Variants in APBA1 observed in about 807,000 individuals in gnomAD.
APBA1 encodes the protein amyloid-beta A4 precursor protein-binding family A member 1.
Under a neutral mutation model 86.6 loss-of-function variants are expected in APBA1, and 55 were observed. That is an observed-to-expected ratio of 0.64 (90% CI 0.51 to 0.80). The LOEUF is 0.80. APBA1 is among the 30% of genes least tolerant of loss of function. The probability of loss-of-function intolerance (pLI) is 0.00; values close to 1 mark genes in which losing one functional copy is unlikely to be tolerated. For missense variants in APBA1, 1,090 were observed against 1,183.0 expected (o/e 0.92, Z 1.15); for synonymous variants, 511 against 493.9 (o/e 1.03, Z -0.46).
chr9:69,456,517 T>A (rs575581393), intron 7 of APBA1, 85 bp from the exon 8 acceptor site: 3 of 1,405,160 alleles, frequency 2.1e-6, no homozygotes, highest in African/African-American at 2.9e-5. Flanking sequence ...GCCAGTCAAG[T>A]ATGGTTCGCA....
At chr9:69,440,438 G>A (rs756396740) in intron 11 of APBA1, among the ~76,000 whole-genome samples, 4 of 151,450 alleles carry the variant, frequency 2.6e-5, no homozygotes, top group African/African-American at 9.8e-5. Context: ...CACCCCGTTC[G>A]AGCTTCCCCG....
At chr9:69,552,162 T>G (rs986907429) in intron 1 of APBA1, among the ~76,000 whole-genome samples, 11 of 152,146 alleles carry the variant, frequency 7.2e-5, no homozygotes, top group Non-Finnish European at 1.3e-4. Flanking sequence ...TTTACAAAAT[T>G]TTCAGCCATC....
At chr9:69,536,490 A>G (rs1344228648) in intron 1 of APBA1, among the ~76,000 whole-genome samples, 1 of 151,894 alleles carries the variant, frequency 6.6e-6, no homozygotes. Flanking sequence ...GAACTTGTAC[A>G]CATTTTCTAT....
At position 69,517,222 on chromosome 9, in the gene APBA1, G is replaced by A. The variant is rs1250035387; in HGVS notation, c.-12C>T. 4.8e-6 allele frequency: 7 copies of A among 1,464,158 alleles called. No individual in the cohort carries two copies. Among genetic ancestry groups the A allele is most frequent in the Middle Eastern group, 1.8e-4 (1 of 5,550 alleles). The allele number at this position is 1,464,158 out of a possible 1,614,324, so 90.7% of individuals were successfully genotyped here. On this transcript the variant is annotated 5_prime_UTR_variant, in exon 2 of 13. Transcript: ENST00000265381. ...TCCAAGTGGTTCATGGTGGGAGTCG[G>A]AACGGCTAGGAGAGAAGCTGGGCCC... is the stretch of plus-strand genomic sequence containing the variant.
chr9:69,546,516 G>C (rs1201818223), intron 1 of APBA1, among the ~76,000 whole-genome samples: 1 of 152,138 alleles, frequency 6.6e-6, no homozygotes, highest in East Asian at 1.9e-4. Flanking sequence ...TCCATTCCTA[G>C]GGTCTGGCCA....
At chr9:69,514,539 A>G (rs1478559438) in intron 2 of APBA1, among the ~76,000 whole-genome samples, 1 of 151,458 alleles carries the variant, frequency 6.6e-6, no homozygotes, top group Non-Finnish European at 1.5e-5. Flanking sequence ...CAGTGAGCCG[A>G]GATCACACCA....
intron 2 of APBA1, among the ~76,000 whole-genome samples, chr9:69,505,505 T>C (rs141798287): frequency 1.3e-5 from 2 of 152,250 alleles, no homozygotes; most frequent in Non-Finnish European, 2.9e-5. Context: ...TGTTGCTGTT[T>C]CCTCTGTCAG....
At position 69,458,174 on chromosome 9, in the gene APBA1, T is replaced by C. The variant is rs1178982918; in HGVS notation, c.1497A>G (p.Leu499=). The C allele has an allele frequency of 6.2e-7, 1 of 1,612,450 alleles. No individual in the cohort carries two copies. The highest frequency in any genetic ancestry group is 8.5e-7 in the Non-Finnish European group (1 of 1,179,626). Residue 499 remains leucine (L), a synonymous_variant, in exon 6 of 13, where the codon TTA becomes TTG. Transcript: ENST00000265381. ...ACTGCACCTTCTTCCTGCTTTTGGC[T>C]AATTTCTGGGCCATCTGCTTAGCAT... ...AVSRIKMAQK[L]AKSRKKAPEG...
At chr9:69,641,160 T>C (rs1028032171) in intron 1 of APBA1, among the ~76,000 whole-genome samples, 4 of 152,124 alleles carry the variant, frequency 2.6e-5, no homozygotes, top group Admixed American at 6.5e-5. Flanking sequence ...CATTTTAATA[T>C]ACTAGCAATG....
chr9:69,658,320 TTCTTTC>T (rs1823676198), intron 1 of APBA1, among the ~76,000 whole-genome samples: 1 of 67,540 alleles, frequency 1.5e-5, no homozygotes, highest in Non-Finnish European at 3.6e-5. Context: ...CTTTCTTTCT[TTCTTTC>T]TTTCTTTCTT....
chr9:69,436,386 T>C (rs370811114), intron 11 of APBA1, among the ~76,000 whole-genome samples: 1 of 151,692 alleles, frequency 6.6e-6, no homozygotes, highest in East Asian at 1.9e-4. Flanking sequence ...GCCATTTTCA[T>C]GATATTGATT....
At chr9:69,431,480 G>A (rs1834594881) in intron 12 of APBA1, 82 bp from the exon 13 acceptor site, 1 of 1,234,212 alleles carries the variant, frequency 8.1e-7, no homozygotes, top group Non-Finnish European at 1.2e-6. Context: ...GGCCAGAGAG[G>A]CAGTGCCTCT....
chr9:69,649,966 T>A (rs1177087701), intron 1 of APBA1, among the ~76,000 whole-genome samples: 1 of 152,206 alleles, frequency 6.6e-6, no homozygotes, highest in Non-Finnish European at 1.5e-5. Flanking sequence ...AGATTTTAAC[T>A]GCTACAGCTT....
At chr9:69,630,064 TA>T (rs11333666) in intron 1 of APBA1, among the ~76,000 whole-genome samples, 131,831 of 149,354 alleles carry the variant, frequency 0.88, 59,098 homozygotes, top group South Asian at 0.97. Flanking sequence ...TGTGCTATAT[TA>T]AAAAAAAAAA....
At chr9:69,487,723 C>A (rs1271680741) in intron 2 of APBA1, among the ~76,000 whole-genome samples, 1 of 152,044 alleles carries the variant, frequency 6.6e-6, no homozygotes, top group African/African-American at 2.4e-5. Context: ...TGATGTCCTG[C>A]ACTGCGGATT....
chr9:69,562,892 T>C (rs1836969335), intron 1 of APBA1, among the ~76,000 whole-genome samples: 1 of 152,220 alleles, frequency 6.6e-6, no homozygotes, highest in African/African-American at 2.4e-5. Context: ...GACAAAACAG[T>C]ATTGGTAGAC....
chr9:69,614,585 T>C (rs1270724778), intron 1 of APBA1, among the ~76,000 whole-genome samples: 2 of 152,226 alleles, frequency 1.3e-5, no homozygotes, highest in African/African-American at 4.8e-5. Flanking sequence ...CATCAGATTT[T>C]TAACTATAGA....
At chr9:69,565,710 T>G (rs1837015188) in intron 1 of APBA1, among the ~76,000 whole-genome samples, 2 of 152,196 alleles carry the variant, frequency 1.3e-5, no homozygotes, top group African/African-American at 4.8e-5. Context: ...GTCCTGTGGC[T>G]CTACATCCTC....
chr9:69,517,154 C>T lies in APBA1; in HGVS notation c.57G>A (p.Gly19=). ...CGGCCTCCACCGACTCGTTCACCTC[C>T]CCACCTGCCGCCTCGTCGGTCACCT... The part of the protein sequence containing the change: ...EVEVTDEAAG[G]EVNESVEADL... Residue 19 remains glycine (G), a synonymous_variant, in exon 2 of 13, where the codon GGG becomes GGA. Transcript: ENST00000265381. 1.3e-6 allele frequency: 2 copies of T among 1,563,030 alleles called. No homozygotes were observed. The highest frequency in any genetic ancestry group is 1.4e-5 in the African/African-American group (1 of 73,278).
Sources: gnomAD v4.1 joint callset for allele counts (sites outside exome capture counted in the v4.1 genomes callset) on GRCh38, gnomAD v4.1.1 for gene constraint, MANE v1.5 for transcripts, NCBI Gene and HGNC (gene_info 2026-07-23, HGNC 2026-07-21) for gene names.